NKAIN3: variants seen among roughly 807,000 people sequenced by gnomAD.
NKAIN3 encodes the protein sodium/potassium transporting ATPase interacting 3, also known as sodium/potassium-transporting ATPase subunit beta-1-interacting protein 3.
A neutral mutation model predicts 30.2 loss-of-function variants in NKAIN3; 25 were observed. The observed-to-expected ratio is 0.83, with a 90% confidence interval of 0.60 to 1.16. NKAIN3 has a LOEUF of 1.16. Among genes scored for constraint, NKAIN3 ranks in the 50% most tolerant of loss-of-function variants. The pLI, the probability that NKAIN3 is intolerant of heterozygous loss-of-function variation, is 0.00. For missense variants in NKAIN3, 225 were observed against 254.1 expected, an observed-to-expected ratio of 0.89 and a Z score of 0.78; for synonymous variants, 91 against 89.6, an observed-to-expected ratio of 1.02 and a Z score of -0.09.
intron 3 of NKAIN3, among the ~76,000 whole-genome samples, chr8:62,715,817 C>A (rs1314005242): frequency 6.6e-6 from 1 of 152,124 alleles, no homozygotes; most frequent in Non-Finnish European, 1.5e-5. Flanking sequence ...TACCCTTAGA[C>A]CAACAGCTGG....
At chr8:62,946,649 C>T (rs185832570) in intron 5 of NKAIN3, among the ~76,000 whole-genome samples, 1 of 152,330 alleles carries the variant, frequency 6.6e-6, no homozygotes, top group East Asian at 1.9e-4. Context: ...ACAAGAAAAT[C>T]ACAGTGTAAT....
At chr8:62,366,784 G>T (rs1268977416) in intron 1 of NKAIN3, among the ~76,000 whole-genome samples, 2 of 151,874 alleles carry the variant, frequency 1.3e-5, no homozygotes, top group African/African-American at 4.8e-5. Flanking sequence ...ATAACACTTG[G>T]TTGTTTATTT....
intron 1 of NKAIN3, among the ~76,000 whole-genome samples, chr8:62,538,812 G>A (rs986280926): frequency 3.3e-5 from 5 of 152,160 alleles, no homozygotes; most frequent in Admixed American, 2.6e-4. Context: ...AATCCTAGTA[G>A]ATGACTACTT....
At chr8:62,943,913 A>T (rs931622948) in intron 5 of NKAIN3, among the ~76,000 whole-genome samples, 2 of 151,654 alleles carry the variant, frequency 1.3e-5, no homozygotes, top group Non-Finnish European at 2.9e-5. Flanking sequence ...TCAGGAATGG[A>T]AAACCAAACA....
intron 1 of NKAIN3, among the ~76,000 whole-genome samples, chr8:62,564,851 G>T (rs183031716): frequency 6.6e-6 from 1 of 152,124 alleles, no homozygotes; most frequent in East Asian, 1.9e-4. Context: ...ATTTGAGTTT[G>T]TTGGCTAAAA....
intron 3 of NKAIN3, among the ~76,000 whole-genome samples, chr8:62,603,007 T>C (rs958206034): frequency 6.6e-6 from 1 of 152,180 alleles, no homozygotes; most frequent in Non-Finnish European, 1.5e-5. Context: ...CACACTTTTA[T>C]AGCTTATATT....
chr8:62,870,259 T>TATAGATATCTATAGATATCTATATCTAG (rs769393725), intron 4 of NKAIN3, among the ~76,000 whole-genome samples: 4 of 77,876 alleles, frequency 5.1e-5, no homozygotes, highest in African/African-American at 1.5e-4. Flanking sequence ...TCTATATATA[T>TATAGATATCTATAGATATCTATATCTAG]ATCTATATAT....
intron 5 of NKAIN3, among the ~76,000 whole-genome samples, chr8:62,992,343 G>A (rs1824338032): frequency 6.6e-6 from 1 of 151,930 alleles, no homozygotes; most frequent in Non-Finnish European, 1.5e-5. Flanking sequence ...TTTCCTTCCT[G>A]TATCTCTGAT....
chr8:62,594,266 A>G (rs543458114), intron 3 of NKAIN3, among the ~76,000 whole-genome samples: 4 of 152,160 alleles, frequency 2.6e-5, no homozygotes, highest in Non-Finnish European at 4.4e-5. Flanking sequence ...TAATTTGGTG[A>G]GCTAACATAA....
At chr8:62,500,095 G>T (rs1807378778) in intron 1 of NKAIN3, among the ~76,000 whole-genome samples, 1 of 152,000 alleles carries the variant, frequency 6.6e-6, no homozygotes, top group Non-Finnish European at 1.5e-5. Flanking sequence ...GATTGCAGGG[G>T]GTCCTATTCG....
chr8:62,860,136 C>CGTTTCAGCT (rs1820196373), intron 4 of NKAIN3, among the ~76,000 whole-genome samples: 2 of 152,002 alleles, frequency 1.3e-5, no homozygotes, highest in South Asian at 4.2e-4. Context: ...TGTAGAGTAG[C>CGTTTCAGCT]GACCTGAAAC....
In NKAIN3 at chr8:62,531,940, G is replaced by T. The variant is rs554182860; in HGVS notation, c.55-47599G>T. Among the ~76,000 whole-genome samples the T allele has an allele frequency of 2.0e-5, 3 of 152,288 alleles. No individual in the cohort carries two copies. The South Asian group carries it at 6.2e-4, about 32-fold the overall frequency. ...CTTCCTGCCAAGTGTCATCGTGACT[G>T]CCCAGCTCCCTCAGATGACAGTAAT... On this transcript the variant is annotated intron_variant, in intron 1 of 6. Transcript: ENST00000623646.
chr8:62,653,212 G>A (rs1812675118), intron 3 of NKAIN3, among the ~76,000 whole-genome samples: 1 of 152,188 alleles, frequency 6.6e-6, no homozygotes, highest in African/African-American at 2.4e-5. Flanking sequence ...TAGGGTGCCA[G>A]CATGGACAGA....
chr8:62,453,339 G>T (rs984775003), intron 1 of NKAIN3, among the ~76,000 whole-genome samples: 1 of 152,062 alleles, frequency 6.6e-6, no homozygotes, highest in Non-Finnish European at 1.5e-5. Context: ...ACTAACATGA[G>T]AAAAAGATAC....
At chr8:62,347,113 T>TGTA (rs560522556) in intron 1 of NKAIN3, among the ~76,000 whole-genome samples, 3 of 152,078 alleles carry the variant, frequency 2.0e-5, no homozygotes, top group Non-Finnish European at 4.4e-5. Context: ...TTCTGGAGGG[T>TGTA]GTAGTAGTAA....
At chr8:62,877,186 G>A (rs1820825590) in intron 4 of NKAIN3, among the ~76,000 whole-genome samples, 1 of 152,016 alleles carries the variant, frequency 6.6e-6, no homozygotes, top group Non-Finnish European at 1.5e-5. Flanking sequence ...CTGAACCAAA[G>A]GCTCCTCCTA....
chr8:62,627,618 G>A (rs1205901403), intron 3 of NKAIN3, among the ~76,000 whole-genome samples: 1 of 152,126 alleles, frequency 6.6e-6, no homozygotes, highest in Non-Finnish European at 1.5e-5. Flanking sequence ...CAAGATGACT[G>A]AGAGGATGAT....
chr8:62,677,307 G>C (rs549499688), intron 3 of NKAIN3, among the ~76,000 whole-genome samples: 1 of 152,164 alleles, frequency 6.6e-6, no homozygotes, highest in African/African-American at 2.4e-5. Flanking sequence ...TGCCATCCTC[G>C]GTGAACTCTT....
downstream of NKAIN3, among the ~76,000 whole-genome samples, chr8:62,987,748 C>A (rs899895432): frequency 2.6e-5 from 4 of 152,128 alleles, no homozygotes; most frequent in Non-Finnish European, 5.9e-5. Flanking sequence ...CCATATCATT[C>A]TGCCGCTGCC....
Sources: gnomAD v4.1 joint callset for allele counts (sites outside exome capture counted in the v4.1 genomes callset) on GRCh38, gnomAD v4.1.1 for gene constraint, MANE v1.5 for transcripts, NCBI Gene and HGNC (gene_info 2026-07-23, HGNC 2026-07-21) for gene names.